XKR3: variants seen among roughly 807,000 people sequenced by gnomAD.
XKR3 encodes the protein XK-related protein 3.
Under a neutral mutation model 40.3 loss-of-function variants are expected in XKR3, and 27 were observed. That is an observed-to-expected ratio of 0.67 (90% confidence interval 0.49 to 0.92). XKR3 has a LOEUF of 0.92. Among genes scored for constraint, XKR3 ranks in the 40% least tolerant of loss-of-function variants. XKR3 has a pLI of 0.00. For missense variants in XKR3, 472 were observed against 537.6 expected (o/e 0.88, Z 1.21); for synonymous variants, 193 against 195.4 (o/e 0.99, Z 0.10).
intron 2 of XKR3, 31 bp from the exon 3 acceptor site, chr22:16,800,055 C>T: frequency 6.3e-7 from 1 of 1,599,512 alleles, no homozygotes; most frequent in Non-Finnish European, 8.5e-7. Context: ...CCAAGATTAA[C>T]ATTTATTGGT....
intron 2 of XKR3, among the ~76,000 whole-genome samples, chr22:16,803,040 G>C (rs1490746853): frequency 6.6e-6 from 1 of 151,688 alleles, no homozygotes; most frequent in East Asian, 1.9e-4. Context: ...GGACTTCCAT[G>C]TCAATCCATC....
intron 1 of XKR3, chr22:16,821,771 G>T (rs1192291633): frequency 6.6e-6 from 1 of 151,990 alleles, no homozygotes; most frequent in Non-Finnish European, 1.5e-5. Flanking sequence ...GAAACCTCGT[G>T]CTTCAATTTC....
rs78012393 is a variant in XKR3 at position 16,814,943 on chromosome 22, T to A, written c.-10-6860A>T. On this transcript the variant is annotated intron_variant, in intron 1 of 3. Transcript: ENST00000684488. Reference sequence around the variant, plus strand: ...TCCAATTTAGATGGCTTTTTTTTTTTAATTTTCTTGCCCAATTGCCCCTCA... The same window carrying A: ...TCCAATTTAGATGGCTTTTTTTTTTAAATTTTCTTGCCCAATTGCCCCTCA... 1.5e-4 allele frequency among the ~76,000 whole-genome samples: 23 copies of A among 151,926 alleles called. No individual in the cohort carries two copies. In the South Asian group the frequency reaches 2.1e-3, roughly 14 times the overall value.
intron 3 of XKR3, among the ~76,000 whole-genome samples, chr22:16,798,626 G>C (rs192646063): frequency 1.1e-4 from 17 of 152,260 alleles, no homozygotes; most frequent in Non-Finnish European, 2.9e-5. Flanking sequence ...AATTTCTTTC[G>C]TATGGTTGCA....
intron 1 of XKR3, among the ~76,000 whole-genome samples, chr22:16,816,512 CA>C (rs1014102227): frequency 1.5e-3 from 218 of 149,954 alleles, no homozygotes; most frequent in Non-Finnish European, 1.4e-3. Context: ...CTAGCCCCCA[CA>C]AAAAAAAACC....
At chr22:16,814,480 ATAG>A (rs1414808416) in intron 1 of XKR3, among the ~76,000 whole-genome samples, 1 of 152,180 alleles carries the variant, frequency 6.6e-6, no homozygotes, top group Non-Finnish European at 1.5e-5. Flanking sequence ...GTCCATAAGA[ATAG>A]TAGAATTGCC....
At chr22:16,808,719 A>T (rs919470804) in intron 1 of XKR3, among the ~76,000 whole-genome samples, 4 of 152,090 alleles carry the variant, frequency 2.6e-5, no homozygotes, top group Admixed American at 2.6e-4. Flanking sequence ...TGTTGGGGGG[A>T]AAAACAGCTC....
chr22:16,793,412 C>T (rs1351469580), intron 3 of XKR3, among the ~76,000 whole-genome samples: 2 of 152,228 alleles, frequency 1.3e-5, no homozygotes, highest in Non-Finnish European at 2.9e-5. Context: ...CCAAAGGCTG[C>T]ATTTTAAATA....
At chr22:16,793,859 G>T (rs1232754617) in intron 3 of XKR3, among the ~76,000 whole-genome samples, 14 of 152,286 alleles carry the variant, frequency 9.2e-5, no homozygotes, top group African/African-American at 3.4e-4. Flanking sequence ...ACCAAAACTT[G>T]ACTTCTTCAG....
At chr22:16,804,277 C>A (rs2060180849) in intron 2 of XKR3, among the ~76,000 whole-genome samples, 1 of 152,130 alleles carries the variant, frequency 6.6e-6, no homozygotes, top group Non-Finnish European at 1.5e-5. Flanking sequence ...GGTACTAATG[C>A]CCTACAAACC....
chr22:16,785,209 C>G (rs1275828891), intron 3 of XKR3, among the ~76,000 whole-genome samples: 1 of 151,850 alleles, frequency 6.6e-6, no homozygotes, highest in Non-Finnish European at 1.5e-5. Context: ...CCCAGCTACT[C>G]GGGAGGCTGA....
intron 1 of XKR3, among the ~76,000 whole-genome samples, chr22:16,813,111 C>T (rs1157434035): frequency 6.6e-6 from 1 of 151,942 alleles, no homozygotes; most frequent in African/African-American, 2.4e-5. Flanking sequence ...GGTGAAACCC[C>T]GTCTCTACTA....
intron 3 of XKR3, among the ~76,000 whole-genome samples, chr22:16,785,960 T>G (rs2060088536): frequency 6.6e-6 from 1 of 152,166 alleles, no homozygotes; most frequent in African/African-American, 2.4e-5. Context: ...TCGTCTAAAT[T>G]TATTATTCAC....
intron 3 of XKR3, among the ~76,000 whole-genome samples, chr22:16,795,375 T>G (rs2060136095): frequency 6.6e-6 from 1 of 152,092 alleles, no homozygotes; most frequent in Admixed American, 6.5e-5. Flanking sequence ...AGGAAAAACT[T>G]TCCCAAATCT....
At chr22:16,813,574 G>A (rs2060221772) in intron 1 of XKR3, among the ~76,000 whole-genome samples, 1 of 152,164 alleles carries the variant, frequency 6.6e-6, no homozygotes, top group Non-Finnish European at 1.5e-5. Flanking sequence ...GTGAGTGAAT[G>A]TATGATGCAA....
At chr22:16,786,377 C>T (rs1304147021) in intron 3 of XKR3, among the ~76,000 whole-genome samples, 2 of 152,110 alleles carry the variant, frequency 1.3e-5, no homozygotes, top group Non-Finnish European at 1.5e-5. Context: ...AAACATAGGA[C>T]TTTCACTTGG....
intron 3 of XKR3, among the ~76,000 whole-genome samples, chr22:16,790,584 T>A (rs1241472618): frequency 3.9e-5 from 6 of 151,988 alleles, no homozygotes; most frequent in Non-Finnish European, 7.4e-5. Context: ...AGAACATCAG[T>A]GAAAACAACT....
At chr22:16,799,435 G>A (rs78355236) in intron 3 of XKR3, among the ~76,000 whole-genome samples, 213 of 53,098 alleles carry the variant, frequency 4.0e-3, no homozygotes, top group African/African-American at 7.8e-3. Flanking sequence ...AAAAAAAAAA[G>A]CAATGCTGTT....
rs2060076682 is a variant in XKR3, at chr22:16,783,856, C to A, written c.1143G>T (p.Gln381His). 1.2e-6 allele frequency: 2 copies of A among 1,614,064 alleles called. No individual in the cohort carries two copies. The highest frequency in any genetic ancestry group is 1.7e-6 in the Non-Finnish European group (2 of 1,180,050). Residue 381 changes from glutamine to histidine, a missense_variant, in exon 4 of 4, where the codon CAG (glutamine) becomes CAT (histidine). By Grantham distance (24) the Gln-to-His change is conservative. Coordinates refer to ENST00000684488, the MANE Select transcript of XKR3 (RefSeq NM_001386955.1). ...LNCCDSLIAV[Q>H]LIISYLLATG... Reference sequence around the variant, plus strand: ...TGGCCAATAGGTAGCTTATGATGAGCTGCACGGCAATTAATGAGTCACAAC... The same window carrying A: ...TGGCCAATAGGTAGCTTATGATGAGATGCACGGCAATTAATGAGTCACAAC...
Sources: allele counts gnomAD v4.1 joint callset (sites outside exome capture counted in the v4.1 genomes callset), GRCh38; gene constraint gnomAD v4.1.1; transcripts MANE v1.5; gene names NCBI Gene and HGNC (gene_info 2026-07-23, HGNC 2026-07-21).